Variants in SORCS3 observed in about 807,000 individuals in gnomAD.
SORCS3 encodes sortilin related VPS10 domain containing receptor 3.
In SORCS3, 57 loss-of-function variants were observed where a neutral mutation model predicts 146.3. The observed-to-expected ratio is 0.39, with a 90% CI of 0.31 to 0.49. The LOEUF is 0.49. Among genes scored for constraint, SORCS3 ranks in the 20% least tolerant of loss-of-function variants. The pLI, the probability that SORCS3 is intolerant of heterozygous loss-of-function variation, is 0.92. For missense variants in SORCS3, 1,341 were observed against 1,575.5 expected, an observed-to-expected ratio of 0.85 and a Z score of 2.52; for synonymous variants, 653 against 618.5, an observed-to-expected ratio of 1.06 and a Z score of -0.83.
At chr10:104,716,909 C>T (rs1322953943) in intron 1 of SORCS3, among the ~76,000 whole-genome samples, 2 of 152,182 alleles carry the variant, frequency 1.3e-5, no homozygotes, top group African/African-American at 4.8e-5. Flanking sequence ...AGAGAGAAAG[C>T]ACTTGAAGAG....
chr10:105,080,680 A>T (rs2055618442), intron 5 of SORCS3, among the ~76,000 whole-genome samples: 1 of 151,980 alleles, frequency 6.6e-6, no homozygotes, highest in Admixed American at 6.6e-5. Flanking sequence ...TTTGGGTTTT[A>T]CATTTAAGTC....
chr10:105,049,709 CAT>C (rs2055397974), intron 5 of SORCS3, among the ~76,000 whole-genome samples: 1 of 151,990 alleles, frequency 6.6e-6, no homozygotes, highest in Non-Finnish European at 1.5e-5. Flanking sequence ...AGTGAATTAA[CAT>C]AGGAACAGAA....
intron 7 of SORCS3, among the ~76,000 whole-genome samples, chr10:105,112,869 T>C (rs1162121224): frequency 6.6e-6 from 1 of 152,170 alleles, no homozygotes; most frequent in African/African-American, 2.4e-5. Flanking sequence ...CTATAGAGAT[T>C]TGTCTACTTA....
chr10:104,841,503 T>A (rs956576296), intron 1 of SORCS3, among the ~76,000 whole-genome samples: 2 of 152,254 alleles, frequency 1.3e-5, no homozygotes, highest in East Asian at 3.9e-4. Flanking sequence ...CTTTGGCACA[T>A]AATGGATCAT....
intron 12 of SORCS3, among the ~76,000 whole-genome samples, chr10:105,164,799 C>A (rs910588550): frequency 2.0e-5 from 3 of 152,114 alleles, no homozygotes; most frequent in Non-Finnish European, 4.4e-5. Flanking sequence ...ACTGACAAAG[C>A]CATGGAAGTC....
At chr10:104,730,603 A>G (rs1241800654) in intron 1 of SORCS3, among the ~76,000 whole-genome samples, 4 of 152,164 alleles carry the variant, frequency 2.6e-5, no homozygotes, top group Non-Finnish European at 5.9e-5. Context: ...AACAACTGCT[A>G]TATTAGTCTT....
Position 105,013,393 on chromosome 10 carries a change from C to G in SORCS3, c.955-29662C>G, listed in dbSNP as rs144353289. Among the ~76,000 whole-genome samples the G allele has an allele frequency of 9.1e-3, 1,389 of 151,962 alleles. 13 individuals carry two copies. Among genetic ancestry groups the G allele is most frequent in the African/African-American group, 0.021 (857 of 41,474 alleles). On this transcript the variant is annotated intron_variant, in intron 4 of 26. Coordinates refer to ENST00000369701, the MANE Select transcript of SORCS3 (RefSeq NM_014978.3). Reference sequence around the variant, plus strand: ...AATGTACTGGGAGGCTTATTCATCACAATAAAATAAGAAAAAGGAAAAAGG... The same window carrying G: ...AATGTACTGGGAGGCTTATTCATCAGAATAAAATAAGAAAAAGGAAAAAGG...
intron 1 of SORCS3, among the ~76,000 whole-genome samples, chr10:104,790,232 C>T (rs954672395): frequency 1.3e-5 from 2 of 152,116 alleles, no homozygotes; most frequent in African/African-American, 4.8e-5. Flanking sequence ...AGTATTTAGC[C>T]AGAAGCGCAT....
At chr10:104,956,229 G>C (rs2019488382) in intron 3 of SORCS3, among the ~76,000 whole-genome samples, 1 of 152,166 alleles carries the variant, frequency 6.6e-6, no homozygotes, top group Admixed American at 6.5e-5. Flanking sequence ...AGACTAAAGA[G>C]TTGGCTCTCT....
intron 3 of SORCS3, among the ~76,000 whole-genome samples, chr10:104,959,649 G>A (rs1207469031): frequency 6.6e-6 from 1 of 152,152 alleles, no homozygotes; most frequent in Non-Finnish European, 1.5e-5. Context: ...GCAGGGTAGA[G>A]CAAGGATCAA....
At chr10:104,969,708 A>G (rs2054847951) in intron 3 of SORCS3, among the ~76,000 whole-genome samples, 2 of 152,164 alleles carry the variant, frequency 1.3e-5, no homozygotes, top group African/African-American at 4.8e-5. Context: ...CTCAATGTCA[A>G]TATGCTTTAT....
At chr10:104,867,910 G>A (rs2018477776) in intron 2 of SORCS3, among the ~76,000 whole-genome samples, 1 of 152,176 alleles carries the variant, frequency 6.6e-6, no homozygotes, top group South Asian at 2.1e-4. Context: ...CCCTTTTTAA[G>A]TGGATCATTT....
At chr10:104,851,900 A>G (rs1437983924) in intron 2 of SORCS3, among the ~76,000 whole-genome samples, 1 of 152,212 alleles carries the variant, frequency 6.6e-6, no homozygotes, top group East Asian at 1.9e-4. Flanking sequence ...TGCCCTAGAC[A>G]TTATTTGGGT....
At chr10:104,642,641 C>T (rs980770759) in intron 1 of SORCS3, among the ~76,000 whole-genome samples, 4 of 152,210 alleles carry the variant, frequency 2.6e-5, no homozygotes, top group Non-Finnish European at 4.4e-5. Flanking sequence ...CGAAATTCCA[C>T]ACCCATCCAG....
intron 5 of SORCS3, among the ~76,000 whole-genome samples, chr10:105,047,991 C>T (rs937839235): frequency 1.2e-4 from 19 of 152,110 alleles, no homozygotes; most frequent in African/African-American, 4.6e-4. Flanking sequence ...GAGATACCAT[C>T]TCACACCAGT....
chr10:104,848,448 A>G (rs1437328164), intron 2 of SORCS3, among the ~76,000 whole-genome samples: 2 of 152,146 alleles, frequency 1.3e-5, no homozygotes, highest in Admixed American at 6.5e-5. Flanking sequence ...AATGACACTC[A>G]TGATTTATTT....
intron 1 of SORCS3, among the ~76,000 whole-genome samples, chr10:104,743,477 C>T (rs939908717): frequency 1.3e-5 from 2 of 152,102 alleles, no homozygotes; most frequent in African/African-American, 4.8e-5. Flanking sequence ...TCTCATGGTC[C>T]AGTGCAGGGA....
At chr10:105,016,724 A>G (rs933094855) in intron 4 of SORCS3, among the ~76,000 whole-genome samples, 9 of 152,058 alleles carry the variant, frequency 5.9e-5, no homozygotes, top group Non-Finnish European at 1.2e-4. Context: ...GGTGGACCCT[A>G]CCGCCAATGT....
intron 8 of SORCS3, among the ~76,000 whole-genome samples, chr10:105,142,630 C>G (rs916972067): frequency 2.0e-5 from 3 of 152,160 alleles, no homozygotes; most frequent in Non-Finnish European, 4.4e-5. Context: ...CAGCTGACCC[C>G]AAAGAAAATT....
Sources: allele counts gnomAD v4.1 joint callset (sites outside exome capture counted in the v4.1 genomes callset), GRCh38; gene constraint gnomAD v4.1.1; transcripts MANE v1.5; gene names NCBI Gene and HGNC (gene_info 2026-07-23, HGNC 2026-07-21).